FGF20: variants seen among roughly 807,000 people sequenced by gnomAD.
The protein encoded by FGF20 is fibroblast growth factor 20.
In FGF20, 8 loss-of-function variants were observed where a neutral mutation model predicts 16.7. The observed-to-expected ratio is 0.48, with a 90% CI of 0.28 to 0.87. The LOEUF is 0.87. Ranked by LOEUF, FGF20 falls within the 40% of genes least tolerant of loss-of-function variation. FGF20 has a pLI of 0.10. For synonymous variants in FGF20, 161 were observed against 118.6 expected (o/e 1.36, Z -2.32); for missense variants, 397 against 281.4 (o/e 1.41, Z -2.94).
At chr8:16,996,363 C>T (rs1810046972) in intron 1 of FGF20, among the ~76,000 whole-genome samples, 1 of 152,096 alleles carries the variant, frequency 6.6e-6, no homozygotes, top group Non-Finnish European at 1.5e-5. Context: ...GTCTGAATTC[C>T]AGTTCAGGAA....
chr8:16,992,827 C>G lies in FGF20; in HGVS notation c.*245G>C, dbSNP rs1585099979. On this transcript the variant is annotated 3_prime_UTR_variant, in exon 3 of 3. Coordinates refer to ENST00000180166, the MANE Select transcript of FGF20 (RefSeq NM_019851.3). ...AGTTTAACAGATTTTTGGCTTCAGTCTACTGGTAAGGACTAATCCAATGTA... is the reference window on the plus strand; with the variant it reads ...AGTTTAACAGATTTTTGGCTTCAGTGTACTGGTAAGGACTAATCCAATGTA... The G allele has an allele frequency of 2.7e-6, 1 of 365,004 alleles. No individual in the cohort carries two copies. The highest frequency in any genetic ancestry group is 5.2e-5 in the East Asian group (1 of 19,378). The allele number at this position is 365,004 out of a possible 1,614,324, so 22.6% of individuals were successfully genotyped here.
intron 1 of FGF20, among the ~76,000 whole-genome samples, chr8:17,000,047 T>C (rs1035094966): frequency 1.3e-5 from 2 of 152,158 alleles, no homozygotes; most frequent in Non-Finnish European, 2.9e-5. Context: ...AGCCACCTGG[T>C]GTCAGCAAAG....
intron 1 of FGF20, among the ~76,000 whole-genome samples, chr8:17,000,220 C>G (rs1810150854): frequency 6.6e-6 from 1 of 152,136 alleles, no homozygotes; most frequent in Non-Finnish European, 1.5e-5. Flanking sequence ...AGGTTGGCCA[C>G]TAGGTCATGA....
intron 2 of FGF20, 65 bp downstream of exon 2, chr8:16,995,590 T>A (rs562035421): frequency 3.1e-6 from 2 of 654,880 alleles, no homozygotes; most frequent in South Asian, 3.2e-5. Flanking sequence ...GACATTTTAA[T>A]TACATAATAG....
chr8:17,001,912 T>C lies in FGF20; in HGVS notation c.121A>G (p.Arg41Gly), dbSNP rs892902237. ...GERPPLLGER[R>G]SAAERSARGG... is the part of the protein sequence containing the mutation. ...CGCGCGCTCCGCTCCGCCGCGCTCC[T>C]GCGCTCGCCCAGCAGCGGCGGCCGC... Residue 41 changes from arginine to glycine, a missense_variant, in exon 1 of 3, where the codon AGG becomes GGG. Transcript: ENST00000180166. 7.4e-6 allele frequency: 11 copies of C among 1,486,824 alleles called. No homozygotes were observed. In the Admixed American group the frequency reaches 2.5e-4, roughly 33 times the overall value. The allele number at this position is 1,486,824 out of a possible 1,614,324, so 92.1% of individuals were successfully genotyped here.
At position 17,002,128 on chromosome 8, in the gene FGF20, G is replaced by C. The variant is rs1418791101; in HGVS notation, c.-96C>G. On this transcript the variant is annotated 5_prime_UTR_variant, in exon 1 of 3. Transcript: ENST00000180166. ...AGAGAAAAATTATAGCAAAACGAGCGCAAAAAGTTAAGGCCCGGTTACTCC... is the reference window on the plus strand; with the variant it reads ...AGAGAAAAATTATAGCAAAACGAGCCCAAAAAGTTAAGGCCCGGTTACTCC... 3 of 1,332,242 alleles carry C rather than the reference G, an allele frequency of 2.3e-6. No individual in the cohort carries two copies. Among genetic ancestry groups the C allele is most frequent in the Non-Finnish European group, 2.9e-6 (3 of 1,022,662 alleles). The allele number at this position is 1,332,242 out of a possible 1,614,324, so 82.5% of individuals were successfully genotyped here.
chr8:16,999,823 G>C (rs952631555), intron 1 of FGF20, among the ~76,000 whole-genome samples: 1 of 151,664 alleles, frequency 6.6e-6, no homozygotes, highest in Non-Finnish European at 1.5e-5. Flanking sequence ...ACAGGCGTGA[G>C]CCACTGCGCC....
At chr8:16,994,673 G>C (rs17488779) in intron 2 of FGF20, among the ~76,000 whole-genome samples, 3,299 of 152,148 alleles carry the variant, frequency 0.022, 56 homozygotes, top group Non-Finnish European at 0.033. Context: ...GCTGAATATT[G>C]TGGTTCCAGT....
At chr8:16,998,914 A>G (rs751557043) in intron 1 of FGF20, among the ~76,000 whole-genome samples, 40 of 152,146 alleles carry the variant, frequency 2.6e-4, no homozygotes, top group Non-Finnish European at 3.4e-4. Context: ...TTCCTTTAAC[A>G]TCTCAAATAG....
In FGF20 at chr8:17,001,897, G is replaced by A. The variant is rs764839951; in HGVS notation, c.136C>T (p.Arg46Trp). ...GCCCCCGGCCCGCCGCGCGCGCTCC[G>A]CTCCGCCGCGCTCCTGCGCTCGCCC... ...LLGERRSAAE[R>W]SARGGPGAAQ... The change falls in exon 1 of 3, where the codon CGG (arginine) becomes TGG (tryptophan). Residue 46 changes from arginine to tryptophan, a missense_variant. Physicochemically the swap from Arg to Trp is moderately radical, Grantham distance 101. Coordinates refer to ENST00000180166, the MANE Select transcript of FGF20 (RefSeq NM_019851.3). 1 of 1,460,148 alleles carries A rather than the reference G, an allele frequency of 6.8e-7. No homozygotes were observed. Among genetic ancestry groups the A allele is most frequent in the Non-Finnish European group, 9.0e-7 (1 of 1,108,994 alleles). The allele number at this position is 1,460,148 out of a possible 1,614,324, so 90.4% of individuals were successfully genotyped here.
chr8:17,001,875 C>T lies in FGF20; in HGVS notation c.158G>A (p.Gly53Glu), dbSNP rs557790865. The change falls in exon 1 of 3, where the codon GGG (glycine) becomes GAG (glutamate). Residue 53 changes from glycine to glutamate, a missense_variant. Physicochemically the swap from Gly to Glu is moderately conservative, Grantham distance 98. Transcript: ENST00000180166. ...GTGCAGGTGCGCCAGCTGCGCAGCC[C>T]CCGGCCCGCCGCGCGCGCTCCGCTC... ...AAERSARGGPGAAQLAHLHGI... is the reference protein window; with the variant it reads ...AAERSARGGPEAAQLAHLHGI... 2.4e-5 allele frequency: 34 copies of T among 1,440,324 alleles called. No homozygotes were observed. The African/African-American group carries it at 4.3e-4, about 18-fold the overall frequency. The allele number at this position is 1,440,324 out of a possible 1,614,324, so 89.2% of individuals were successfully genotyped here.
intron 1 of FGF20, among the ~76,000 whole-genome samples, chr8:16,999,678 C>A (rs1022031072): frequency 1.4e-5 from 2 of 143,388 alleles, no homozygotes; most frequent in African/African-American, 5.3e-5. Flanking sequence ...CCCACCAACA[C>A]GCCCAGCTAA....
chr8:17,001,641 G>A, intron 1 of FGF20, 106 bp downstream of exon 1: 1 of 1,297,244 alleles, frequency 7.7e-7, no homozygotes. Context: ...TCCGGGCTCC[G>A]CGCGGCGATG....
Position 16,995,760 on chromosome 8 carries a change from T to C in FGF20, c.287-2A>G. 1 of 1,538,712 alleles carries C rather than the reference T, an allele frequency of 6.5e-7. No individual in the cohort carries two copies. The highest frequency in any genetic ancestry group is 9.0e-7 in the Non-Finnish European group (1 of 1,116,962). ...CCACACTGATGAATTCCAAGATACC[T>C]GCATATGTAAACAATTCATAAAAAC... is the stretch of plus-strand genomic sequence containing the variant. On this transcript the variant is annotated splice_acceptor_variant, in intron 1 of 2. Coordinates refer to ENST00000180166, the MANE Select transcript of FGF20 (RefSeq NM_019851.3). LOFTEE classifies it high-confidence loss of function.
chr8:16,995,626 T>C (rs1464359392), intron 2 of FGF20, 29 bp downstream of exon 2: 3 of 972,422 alleles, frequency 3.1e-6, no homozygotes, highest in East Asian at 2.7e-5. Flanking sequence ...AGAATTACAA[T>C]AATAATAAAA....
In FGF20 at chr8:16,992,901, A is replaced by C. The variant is rs1309906269; in HGVS notation, c.*171T>G. On this transcript the variant is annotated 3_prime_UTR_variant, in exon 3 of 3. Transcript: ENST00000180166. ...TAAAGAGTGATCATGATCTATTTCT[A>C]GTCAAAATTTTTTTTGGTTTTTTTT... The C allele has an allele frequency of 2.8e-6, 2 of 705,340 alleles. No individual in the cohort carries two copies. The highest frequency in any genetic ancestry group is 1.8e-5 in the African/African-American group (1 of 55,662). The allele number at this position is 705,340 out of a possible 1,614,324, so 43.7% of individuals were successfully genotyped here.
rs1183672681 is a variant in FGF20, at chr8:17,001,826, G to C, written c.207C>G (p.Leu69=). 6.5e-6 allele frequency: 10 copies of C among 1,538,938 alleles called. No individual in the cohort carries two copies. Among genetic ancestry groups the C allele is most frequent in the African/African-American group, 1.4e-5 (1 of 70,412 alleles). Residue 69 remains leucine (L), a synonymous_variant, in exon 1 of 3, where the codon CTC becomes CTG. Transcript: ENST00000180166. ...HLHGILRRRQ[L]YCRTGFHLQI... ...GCAGGTGGAAGCCGGTGCGGCAATA[G>C]AGCTGCCGGCGGCGCAGGATGCCGT...
In FGF20 at chr8:16,993,032, T is replaced by G; in HGVS notation, c.*40A>C. ...TGATGGGAACTATGACAAGAAAGAA[T>G]GGTTGTGGTTTGACTCTTCCATAAT... On this transcript the variant is annotated 3_prime_UTR_variant, in exon 3 of 3. Transcript: ENST00000180166. The G allele has an allele frequency of 6.3e-7, 1 of 1,590,960 alleles. No homozygotes were observed. Among genetic ancestry groups the G allele is most frequent in the East Asian group, 2.2e-5 (1 of 44,510 alleles).
At chr8:17,001,699 G>A in intron 1 of FGF20, 48 bp downstream of exon 1, 1 of 1,513,728 alleles carries the variant, frequency 6.6e-7, no homozygotes, top group Non-Finnish European at 8.8e-7. Flanking sequence ...GGAACGAGGA[G>A]CCGAGCTGGG....
Sources: gnomAD v4.1 joint callset for allele counts (sites outside exome capture counted in the v4.1 genomes callset) on GRCh38, gnomAD v4.1.1 for gene constraint, MANE v1.5 for transcripts, NCBI Gene and HGNC (gene_info 2026-07-23, HGNC 2026-07-21) for gene names.